The following ANO6 variants were observed in gnomAD, a reference collection of about 807,000 sequenced individuals.
The protein encoded by ANO6 is anoctamin 6.
A neutral mutation model predicts 117.5 loss-of-function variants in ANO6; 106 were observed. The ratio of observed to expected loss-of-function variants is 0.90; its 90% CI spans 0.77 to 1.06. The LOEUF is 1.06. Among genes scored for constraint, ANO6 ranks in the 50% least tolerant of loss-of-function variants. ANO6 has a pLI of 0.00. For synonymous variants in ANO6, 367 were observed against 385.1 expected (o/e 0.95, Z 0.55); for missense variants, 955 against 1,121.1 (o/e 0.85, Z 2.12).
intron 17 of ANO6, among the ~76,000 whole-genome samples, chr12:45,418,435 C>T (rs1943269445): frequency 6.6e-6 from 1 of 152,180 alleles, no homozygotes; most frequent in African/African-American, 2.4e-5. Context: ...GCAGTGAGGC[C>T]TTTCAAGTTC....
intron 10 of ANO6, among the ~76,000 whole-genome samples, chr12:45,380,428 T>C (rs9788195): frequency 0.15 from 22,502 of 152,178 alleles, 2,303 homozygotes; most frequent in East Asian, 0.46. Flanking sequence ...TCACTAAGGA[T>C]CTGGGGAACC....
intron 1 of ANO6, among the ~76,000 whole-genome samples, chr12:45,237,997 G>C (rs914551501): frequency 6.6e-6 from 1 of 152,124 alleles, no homozygotes; most frequent in African/African-American, 2.4e-5. Context: ...TTGTGAATGG[G>C]AGTTCACTCA....
At chr12:45,231,449 T>G (rs1470862267) in intron 1 of ANO6, among the ~76,000 whole-genome samples, 1 of 152,210 alleles carries the variant, frequency 6.6e-6, no homozygotes, top group Non-Finnish European at 1.5e-5. Flanking sequence ...AAGAAAAGTT[T>G]AGACATTCCA....
intron 1 of ANO6, among the ~76,000 whole-genome samples, chr12:45,254,835 G>T (rs1325855970): frequency 6.6e-6 from 1 of 152,112 alleles, no homozygotes; most frequent in African/African-American, 2.4e-5. Flanking sequence ...CAACATACTT[G>T]AATGAATAAA....
intron 19 of ANO6, among the ~76,000 whole-genome samples, chr12:45,426,269 T>C (rs1943499750): frequency 6.6e-6 from 1 of 152,212 alleles, no homozygotes; most frequent in African/African-American, 2.4e-5. Context: ...CTATAAATAT[T>C]CCCTACCTCA....
intron 9 of ANO6, among the ~76,000 whole-genome samples, chr12:45,373,964 C>G (rs1941925864): frequency 6.6e-6 from 1 of 151,896 alleles, no homozygotes. Context: ...AGACCACTAG[C>G]AAGACTAATA....
intron 2 of ANO6, among the ~76,000 whole-genome samples, chr12:45,310,690 C>A (rs1939820544): frequency 2.0e-5 from 3 of 152,042 alleles, no homozygotes. Context: ...TATAATTGTT[C>A]CAAATGAGTT....
intron 2 of ANO6, 89 bp downstream of exon 2, chr12:45,302,182 C>T (rs1795418914): frequency 1.8e-6 from 2 of 1,123,926 alleles, no homozygotes; most frequent in African/African-American, 3.1e-5. Context: ...TGAATTCATT[C>T]CTTCAATGGC....
intron 1 of ANO6, among the ~76,000 whole-genome samples, chr12:45,244,414 G>C (rs1420436218): frequency 7.0e-6 from 1 of 142,612 alleles, no homozygotes; most frequent in Non-Finnish European, 1.5e-5. Context: ...GGGGGGGGGG[G>C]GTGGTCTGTG....
intron 1 of ANO6, among the ~76,000 whole-genome samples, chr12:45,275,188 TTCTCTG>T (rs1363224239): frequency 6.6e-6 from 1 of 151,984 alleles, no homozygotes; most frequent in Non-Finnish European, 1.5e-5. Context: ...CTTACCCTGT[TTCTCTG>T]TCTCCTTTTA....
intron 12 of ANO6, among the ~76,000 whole-genome samples, chr12:45,400,934 A>G (rs1489200689): frequency 6.6e-6 from 1 of 152,234 alleles, no homozygotes; most frequent in African/African-American, 2.4e-5. Flanking sequence ...AGTGTCTAGT[A>G]CTGTGTATCA....
chr12:45,341,779 T>A (rs1206326976), intron 3 of ANO6, among the ~76,000 whole-genome samples: 1 of 152,070 alleles, frequency 6.6e-6, no homozygotes, highest in Non-Finnish European at 1.5e-5. Flanking sequence ...TGAGTGGGGT[T>A]GCCTGTTTTG....
At chr12:45,306,804 GA>G (rs1196276533) in intron 2 of ANO6, among the ~76,000 whole-genome samples, 1 of 151,718 alleles carries the variant, frequency 6.6e-6, no homozygotes, top group Non-Finnish European at 1.5e-5. Context: ...ATCCTGTAGA[GA>G]AAAAGTAGGG....
At chr12:45,278,086 G>A (rs1420364141) in intron 1 of ANO6, among the ~76,000 whole-genome samples, 5 of 151,866 alleles carry the variant, frequency 3.3e-5, no homozygotes, top group South Asian at 2.1e-4. Flanking sequence ...CCTCCACCTC[G>A]TAGCTAAGAC....
intron 1 of ANO6, among the ~76,000 whole-genome samples, chr12:45,293,729 G>GTTTTTTTTTTTTTTTTTTTTTTTT (rs138396024): frequency 2.1e-5 from 1 of 48,418 alleles, no homozygotes; most frequent in Non-Finnish European, 3.6e-5. Flanking sequence ...CCTGGCTAAT[G>GTTTTTTTTTTTTTTTTTTTTTTTT]TTTTTTTTTT....
intron 1 of ANO6, among the ~76,000 whole-genome samples, chr12:45,255,818 G>GTTTTTTC (rs1937797926): frequency 1.2e-5 from 1 of 81,712 alleles, no homozygotes; most frequent in African/African-American, 4.5e-5. Context: ...CTCCCTGGGT[G>GTTTTTTC]TTTTTTTTTT....
Position 45,388,279 on chromosome 12 carries a change from C to A in ANO6, c.1284C>A (p.His428Gln), listed in dbSNP as rs143360396. The A allele has an allele frequency of 5.6e-6, 9 of 1,613,886 alleles. No homozygotes were observed. The South Asian group carries it at 8.8e-5, about 16-fold the overall frequency. ...ARPEYEARCT[H>Q]VVINEITQEE... ...CAGAATACGAAGCACGATGTACTCACGTAGTGATAAATGAGATTACTCAGG... is the reference window on the plus strand; with the variant it reads ...CAGAATACGAAGCACGATGTACTCAAGTAGTGATAAATGAGATTACTCAGG... The change falls in exon 11 of 20, where the codon CAC (histidine) becomes CAA (glutamine). Residue 428 changes from histidine (H) to glutamine (Q), a missense_variant. Coordinates refer to ENST00000320560, the MANE Select transcript of ANO6 (RefSeq NM_001025356.3).
intron 1 of ANO6, among the ~76,000 whole-genome samples, chr12:45,245,551 T>G (rs920540125): frequency 6.6e-6 from 1 of 151,850 alleles, no homozygotes; most frequent in African/African-American, 2.4e-5. Context: ...TTACAGGCAT[T>G]TTTTTTTCCA....
At chr12:45,303,440 G>A (rs867459616) in intron 2 of ANO6, among the ~76,000 whole-genome samples, 12 of 151,862 alleles carry the variant, frequency 7.9e-5, no homozygotes, top group African/African-American at 2.7e-4. Context: ...TTTTATTTTT[G>A]GCTCCTTTTG....
Sources: allele counts gnomAD v4.1 joint callset (sites outside exome capture counted in the v4.1 genomes callset), GRCh38; gene constraint gnomAD v4.1.1; transcripts MANE v1.5; gene names NCBI Gene and HGNC (gene_info 2026-07-23, HGNC 2026-07-21).